Variants in CDKAL1 observed in about 807,000 individuals in gnomAD.
The protein encoded by CDKAL1 is CDKAL1 threonylcarbamoyladenosine tRNA methylthiotransferase.
CDKAL1 carries 32 observed loss-of-function variants against 68.2 expected under a neutral mutation model. The ratio of observed to expected loss-of-function variants is 0.47; its 90% CI spans 0.35 to 0.63. The LOEUF (loss-of-function observed/expected upper bound fraction) is 0.63. Among genes scored for constraint, CDKAL1 ranks in the 30% least tolerant of loss-of-function variants. The pLI is 0.00. For missense variants in CDKAL1, 606 were observed against 696.7 expected, an observed-to-expected ratio of 0.87 and a Z score of 1.47; for synonymous variants, 234 against 244.3, an observed-to-expected ratio of 0.96 and a Z score of 0.39.
intron 8 of CDKAL1, among the ~76,000 whole-genome samples, chr6:20,837,753 A>AAT (rs1375082105): frequency 6.7e-6 from 1 of 150,342 alleles, no homozygotes; most frequent in East Asian, 1.9e-4. Flanking sequence ...ATATAATAAT[A>AAT]ATAATAATAA....
At chr6:20,616,949 A>T (rs12530107) in intron 4 of CDKAL1, among the ~76,000 whole-genome samples, 41,963 of 150,292 alleles carry the variant, frequency 0.28, 6,368 homozygotes, top group East Asian at 0.53. Context: ...CTTAGGCTGG[A>T]GAATCACCTG....
rs576469141 is a variant in CDKAL1, at chr6:20,919,564, C to T, written c.743-35855C>T. On this transcript the variant is annotated intron_variant, in intron 9 of 15. Coordinates refer to ENST00000274695, the MANE Select transcript of CDKAL1 (RefSeq NM_017774.3). The stretch of plus-strand genomic sequence containing the variant: ...ACTCCCACTTACGAGTAAGAATATG[C>T]GGTGTTTGGTTTTCTGTTCTTGTGA... 4.7e-4 allele frequency among the ~76,000 whole-genome samples: 71 copies of T among 152,132 alleles called. 1 individual carries two copies. The South Asian group carries it at 0.012, about 26-fold the overall frequency.
chr6:21,035,585 CTG>C (rs1769531795), intron 11 of CDKAL1, among the ~76,000 whole-genome samples: 3 of 151,966 alleles, frequency 2.0e-5, no homozygotes, highest in Admixed American at 1.3e-4. Flanking sequence ...TATTGAAGAA[CTG>C]TAAAATGTAT....
At chr6:20,638,049 C>T (rs994656724) in intron 4 of CDKAL1, among the ~76,000 whole-genome samples, 1 of 152,118 alleles carries the variant, frequency 6.6e-6, no homozygotes, top group Non-Finnish European at 1.5e-5. Context: ...TTGCAGTAGG[C>T]TAACTTCTTA....
intron 13 of CDKAL1, among the ~76,000 whole-genome samples, chr6:21,188,671 C>T (rs1259296180): frequency 6.6e-6 from 1 of 152,156 alleles, no homozygotes; most frequent in African/African-American, 2.4e-5. Context: ...TGAGCACTTT[C>T]CCAGGCTGCC....
At chr6:20,550,428 T>C (rs556599483) in intron 4 of CDKAL1, among the ~76,000 whole-genome samples, 16 of 152,364 alleles carry the variant, frequency 1.1e-4, no homozygotes, top group Non-Finnish European at 2.2e-4. Flanking sequence ...CTTTTCAGCA[T>C]GCCGGCATCT....
At chr6:20,875,636 A>C (rs1282158389) in intron 9 of CDKAL1, among the ~76,000 whole-genome samples, 5 of 152,184 alleles carry the variant, frequency 3.3e-5, no homozygotes, top group African/African-American at 7.2e-5. Flanking sequence ...GCTTTTAAAA[A>C]TTAAGTAATA....
intron 6 of CDKAL1, among the ~76,000 whole-genome samples, chr6:20,745,617 TGTA>T (rs1353726288): frequency 6.6e-6 from 1 of 152,184 alleles, no homozygotes; most frequent in Admixed American, 6.5e-5. Context: ...ATGATTAAAA[TGTA>T]GTATATCATA....
intron 5 of CDKAL1, among the ~76,000 whole-genome samples, chr6:20,656,710 G>A (rs934108726): frequency 7.2e-5 from 11 of 152,068 alleles, no homozygotes; most frequent in African/African-American, 2.7e-4. Flanking sequence ...AATGGGTTTT[G>A]TTATATATGT....
At chr6:20,740,197 T>C (rs1773387213) in intron 6 of CDKAL1, among the ~76,000 whole-genome samples, 1 of 152,240 alleles carries the variant, frequency 6.6e-6, no homozygotes, top group Non-Finnish European at 1.5e-5. Context: ...TTTCAATCTT[T>C]TTTTAAAACT....
At chr6:20,783,940 C>T (rs771925635) in intron 8 of CDKAL1, among the ~76,000 whole-genome samples, 1 of 152,016 alleles carries the variant, frequency 6.6e-6, no homozygotes, top group Non-Finnish European at 1.5e-5. Flanking sequence ...ATTGGCCGGG[C>T]GTGGTGGCTC....
chr6:20,918,037 G>A (rs1762794321), intron 9 of CDKAL1, among the ~76,000 whole-genome samples: 1 of 152,190 alleles, frequency 6.6e-6, no homozygotes, highest in African/African-American at 2.4e-5. Flanking sequence ...TTTTAGCCTG[G>A]GAGGTGGAGG....
At chr6:21,079,802 C>G (rs997679206) in intron 12 of CDKAL1, among the ~76,000 whole-genome samples, 1 of 152,192 alleles carries the variant, frequency 6.6e-6, no homozygotes, top group African/African-American at 2.4e-5. Flanking sequence ...AACACCAACC[C>G]CTCCAGCCCT....
chr6:20,759,463 G>A (rs868324757), intron 7 of CDKAL1, among the ~76,000 whole-genome samples: 39 of 152,244 alleles, frequency 2.6e-4, no homozygotes, highest in African/African-American at 7.7e-4. Flanking sequence ...GATTGCTTGA[G>A]GCTGGGAGGT....
chr6:21,010,510 A>G (rs949750845), intron 11 of CDKAL1, among the ~76,000 whole-genome samples: 10 of 152,164 alleles, frequency 6.6e-5, no homozygotes, highest in African/African-American at 2.4e-4. Flanking sequence ...GAAAGAGTCA[A>G]TGATGGGTCA....
chr6:20,903,449 C>T (rs759420371), intron 9 of CDKAL1, among the ~76,000 whole-genome samples: 4 of 152,134 alleles, frequency 2.6e-5, no homozygotes, highest in Admixed American at 1.3e-4. Context: ...AAGTGTTCAG[C>T]GATCTCGATG....
chr6:20,549,806 C>T (rs1243083761), intron 4 of CDKAL1, among the ~76,000 whole-genome samples: 1 of 151,560 alleles, frequency 6.6e-6, no homozygotes, highest in Non-Finnish European at 1.5e-5. Flanking sequence ...GGGGTTTCAC[C>T]ATGTTGGCCA....
At chr6:21,014,488 G>A (rs1352419618) in intron 11 of CDKAL1, among the ~76,000 whole-genome samples, 1 of 152,060 alleles carries the variant, frequency 6.6e-6, no homozygotes, top group Non-Finnish European at 1.5e-5. Context: ...GTGGGTGCCT[G>A]TAGTCCCGGC....
At chr6:21,107,594 A>AT (rs796184665) in intron 12 of CDKAL1, among the ~76,000 whole-genome samples, 34 of 150,720 alleles carry the variant, frequency 2.3e-4, no homozygotes, top group African/African-American at 6.6e-4. Context: ...CACCCAGCTA[A>AT]TTTTTTTTTG....
Sources: allele counts gnomAD v4.1 joint callset (sites outside exome capture counted in the v4.1 genomes callset), GRCh38; gene constraint gnomAD v4.1.1; transcripts MANE v1.5; gene names NCBI Gene and HGNC (gene_info 2026-07-23, HGNC 2026-07-21).